Variants in KLHL3 observed in about 807,000 individuals in gnomAD.
KLHL3 encodes kelch-like protein 3.
KLHL3 carries 19 observed loss-of-function variants against 70.5 expected under a neutral mutation model. The observed-to-expected ratio is 0.27, with a 90% CI of 0.19 to 0.40. KLHL3 has a LOEUF of 0.40. Among genes scored for constraint, KLHL3 ranks in the 10% least tolerant of loss-of-function variants. The probability of loss-of-function intolerance (pLI) is 1.00; values close to 1 mark genes in which losing one functional copy is unlikely to be tolerated. For synonymous variants in KLHL3, 258 were observed against 290.3 expected (o/e 0.89, Z 1.13); for missense variants, 512 against 771.1 (o/e 0.66, Z 3.98).
intron 2 of KLHL3, among the ~76,000 whole-genome samples, chr5:137,716,904 C>A (rs553730870): frequency 3.9e-5 from 6 of 152,188 alleles, no homozygotes; most frequent in Non-Finnish European, 8.8e-5. Flanking sequence ...GGGGGTCTAA[C>A]CAACCCCCCT....
At position 137,628,369 on chromosome 5, in the gene KLHL3, C is replaced by T. The variant is rs863225302; in HGVS notation, c.1519G>A (p.Val507Ile). The change falls in exon 13 of 15, where the codon GTT (valine) becomes ATT (isoleucine). Residue 507 changes from valine to isoleucine, a missense_variant. Val to Ile is a conservative substitution (Grantham distance 29). Transcript: ENST00000309755. ...TTTGTTCCAGGATCGTAAACCTCAACGCTCTTCCTCACCAAAGGCCCATCA... is the reference window on the plus strand; with the variant it reads ...TTTGTTCCAGGATCGTAAACCTCAATGCTCTTCCTCACCAAAGGCCCATCA... ...GHDGPLVRKSVEVYDPGTNTW... is the reference protein window; with the variant it reads ...GHDGPLVRKSIEVYDPGTNTW... The T allele has an allele frequency of 1.2e-6, 2 of 1,614,188 alleles. No homozygotes were observed. Among genetic ancestry groups the T allele is most frequent in the East Asian group, 2.2e-5 (1 of 44,876 alleles).
chr5:137,629,828 C>G (rs887771035), intron 12 of KLHL3: 7 of 152,206 alleles, frequency 4.6e-5, no homozygotes, highest in African/African-American at 1.2e-4. Context: ...TCCTTTCCTC[C>G]ATGCTCAGCA....
chr5:137,626,030 C>T (rs1043781064), intron 13 of KLHL3, 134 bp from the exon 14 acceptor site: 8 of 1,103,038 alleles, frequency 7.3e-6, no homozygotes, highest in Non-Finnish European at 9.0e-6. Context: ...AGATTTGGCT[C>T]CACAGGTTTG....
At chr5:137,691,102 T>C (rs147419375) in intron 5 of KLHL3, among the ~76,000 whole-genome samples, 27 of 152,276 alleles carry the variant, frequency 1.8e-4, no homozygotes, top group African/African-American at 6.5e-4. Flanking sequence ...AATAATAGAA[T>C]GACAAGCTCT....
chr5:137,711,754 A>C (rs1417894190), intron 2 of KLHL3, among the ~76,000 whole-genome samples: 1 of 152,186 alleles, frequency 6.6e-6, no homozygotes, highest in East Asian at 1.9e-4. Flanking sequence ...CATGGGGGCC[A>C]AATGGGATTA....
At chr5:137,713,515 T>C (rs1752837842) in intron 2 of KLHL3, among the ~76,000 whole-genome samples, 1 of 152,178 alleles carries the variant, frequency 6.6e-6, no homozygotes, top group Admixed American at 6.6e-5. Context: ...CCTCACACCA[T>C]ATACAAAAAT....
rs144097083 is a variant in KLHL3 at position 137,639,130 on chromosome 5, G to A, written c.1042C>T (p.His348Tyr). Residue 348 changes from histidine (H) to tyrosine (Y), a missense_variant, in exon 10 of 15, where the codon CAC becomes TAC. By Grantham distance (83) the His-to-Tyr change is moderately conservative (BLOSUM62 2). Coordinates refer to ENST00000309755, the MANE Select transcript of KLHL3 (RefSeq NM_017415.3). The surrounding 1 kb of genome is among the most constrained non-coding windows in gnomAD (Gnocchi z 5.0). ...TTAAACCCTCCCACGGCATACACGT[G>A]GCCAGCCATGAACACCACACCTGAG... ...CRAGVVFMAG[H>Y]VYAVGGFNGS... 2.5e-6 allele frequency: 4 copies of A among 1,613,528 alleles called. No individual in the cohort carries two copies. The highest frequency in any genetic ancestry group is 2.5e-6 in the Non-Finnish European group (3 of 1,179,854).
At chr5:137,715,566 C>T (rs768761376) in intron 2 of KLHL3, among the ~76,000 whole-genome samples, 2 of 152,140 alleles carry the variant, frequency 1.3e-5, no homozygotes, top group South Asian at 2.1e-4. Context: ...CAATAACATG[C>T]GAATACAAGC....
At position 137,639,749 on chromosome 5, in the gene KLHL3, G is replaced by A; in HGVS notation, c.1021+111C>T. 2 of 743,060 alleles carry A rather than the reference G, an allele frequency of 2.7e-6. No individual in the cohort carries two copies. Among genetic ancestry groups the A allele is most frequent in the Non-Finnish European group, 4.5e-6 (2 of 440,708 alleles). 46.0% of individuals were successfully genotyped at this position (743,060 alleles called of 1,614,324 possible). On this transcript the variant is annotated intron_variant, in intron 9 of 14. Coordinates refer to ENST00000309755, the MANE Select transcript of KLHL3 (RefSeq NM_017415.3). The surrounding 1 kb of genome is among the most constrained non-coding windows in gnomAD (Gnocchi z 5.0). The stretch of plus-strand genomic sequence containing the variant: ...AAAGTGTGCAGGAGGGAAACGAATG[G>A]GAGCCTGAAATGCACAGATGCTTGA...
intron 5 of KLHL3, among the ~76,000 whole-genome samples, chr5:137,683,143 T>C (rs1026805508): frequency 6.6e-6 from 1 of 152,244 alleles, no homozygotes; most frequent in Admixed American, 6.5e-5. Context: ...CTTTTAACAT[T>C]GGGAAGATAT....
chr5:137,712,156 CAAAAAAAAAAAAAAA>C (rs201519598), intron 2 of KLHL3, among the ~76,000 whole-genome samples: 2 of 74,862 alleles, frequency 2.7e-5, no homozygotes, highest in African/African-American at 1.1e-4. Flanking sequence ...AAGATTCTGT[CAAAAAAAAAAAAAAA>C]AAAAAAAAAA....
chr5:137,728,300 T>C (rs537673830), intron 1 of KLHL3, among the ~76,000 whole-genome samples: 1 of 152,326 alleles, frequency 6.6e-6, no homozygotes, highest in Admixed American at 6.5e-5. Flanking sequence ...TAGTTGCCTC[T>C]GAATTCTTAG....
At chr5:137,662,116 G>C in intron 6 of KLHL3, 85 bp from the exon 7 acceptor site, 1 of 487,112 alleles carries the variant, frequency 2.1e-6, no homozygotes, top group Non-Finnish European at 3.5e-6. Flanking sequence ...AAAAAAAAAA[G>C]AGAGAGAGAA....
intron 5 of KLHL3, among the ~76,000 whole-genome samples, chr5:137,686,520 G>A (rs149764528): frequency 6.6e-6 from 1 of 152,366 alleles, no homozygotes; most frequent in East Asian, 1.9e-4. Flanking sequence ...TCTCCTTGTA[G>A]TTTGTTGGCA....
chr5:137,661,927 G>A lies in KLHL3; in HGVS notation c.741C>T (p.Asp247=). The A allele has an allele frequency of 6.3e-7, 1 of 1,586,216 alleles. No individual in the cohort carries two copies. Among genetic ancestry groups the A allele is most frequent in the Non-Finnish European group, 8.7e-7 (1 of 1,154,584 alleles). Residue 247 remains aspartate, a synonymous_variant, in exon 7 of 15, where the codon GAC becomes GAT. Transcript: ENST00000309755. ...ATACAACACTCACTTGGACTAGGTA[G>A]TCCCTAGGTAAGAGAGGAAGTCGGA... ...EHVRLPLLPR[D]YLVQTVEEEA...
chr5:137,722,742 G>A (rs1753019581), intron 1 of KLHL3, among the ~76,000 whole-genome samples: 1 of 151,884 alleles, frequency 6.6e-6, no homozygotes, highest in African/African-American at 2.4e-5. Context: ...GCAGATCTTG[G>A]CTCAACCTCC....
intron 14 of KLHL3, among the ~76,000 whole-genome samples, chr5:137,625,107 G>T (rs751814551): frequency 1.1e-4 from 6 of 55,582 alleles, no homozygotes; most frequent in Admixed American, 2.0e-4. Flanking sequence ...TCAGCCCAAG[G>T]GTTGTTGAAA....
intron 3 of KLHL3, among the ~76,000 whole-genome samples, chr5:137,708,718 TA>T (rs1457462243): frequency 6.6e-6 from 1 of 152,034 alleles, no homozygotes; most frequent in Non-Finnish European, 1.5e-5. Flanking sequence ...AGTTATAGGA[TA>T]GAGAGAGGCC....
chr5:137,707,116 T>C (rs1752700423), intron 3 of KLHL3, among the ~76,000 whole-genome samples: 1 of 151,970 alleles, frequency 6.6e-6, no homozygotes, highest in Admixed American at 6.6e-5. Context: ...TGAATAGCAA[T>C]TTAAAAAAAA....
Sources: gnomAD v4.1 joint callset for allele counts (sites outside exome capture counted in the v4.1 genomes callset) on GRCh38, gnomAD v4.1.1 for gene constraint, Gnocchi (gnomAD v3.1) non-coding constraint, MANE v1.5 for transcripts, NCBI Gene and HGNC (gene_info 2026-07-23, HGNC 2026-07-21) for gene names.